The following SGCZ variants were observed in gnomAD, a reference collection of about 807,000 sequenced individuals.
The protein encoded by SGCZ is zeta-sarcoglycan.
A neutral mutation model predicts 41.3 loss-of-function variants in SGCZ; 40 were observed. The ratio of observed to expected loss-of-function variants is 0.97; its 90% confidence interval spans 0.75 to 1.26. The LOEUF is 1.26. Among genes scored for constraint, SGCZ ranks in the 50% most tolerant of loss-of-function variants. The pLI is 0.00. For synonymous variants in SGCZ, 206 were observed against 137.5 expected, an observed-to-expected ratio of 1.50 and a Z score of -3.49; for missense variants, 552 against 369.8, an observed-to-expected ratio of 1.49 and a Z score of -4.04.
intron 1 of SGCZ, among the ~76,000 whole-genome samples, chr8:14,718,361 A>G (rs1048909799): frequency 6.6e-6 from 1 of 152,102 alleles, no homozygotes; most frequent in African/African-American, 2.4e-5. Context: ...AAAAGTAGAC[A>G]GAAAGCAAAA....
chr8:14,649,385 G>T (rs1807324912), intron 1 of SGCZ, among the ~76,000 whole-genome samples: 1 of 152,060 alleles, frequency 6.6e-6, no homozygotes, highest in Non-Finnish European at 1.5e-5. Flanking sequence ...TAATATGAAG[G>T]GACAACCCAT....
At chr8:14,641,175 A>G (rs1486468901) in intron 1 of SGCZ, among the ~76,000 whole-genome samples, 1 of 151,668 alleles carries the variant, frequency 6.6e-6, no homozygotes, top group Non-Finnish European at 1.5e-5. Context: ...AATTGCTTCT[A>G]CTGCTGTAAC....
intron 1 of SGCZ, among the ~76,000 whole-genome samples, chr8:15,005,383 G>C (rs1330067954): frequency 1.4e-5 from 2 of 142,010 alleles, no homozygotes; most frequent in Non-Finnish European, 3.0e-5. Flanking sequence ...CCAGGCTGGA[G>C]TGCAGTGGCG....
At chr8:14,769,257 G>A (rs2255802) in intron 1 of SGCZ, among the ~76,000 whole-genome samples, 107,738 of 152,034 alleles carry the variant, frequency 0.71, 39,296 homozygotes, top group African/African-American at 0.89. Context: ...GAATGTTCCT[G>A]TGTATATTTT....
chr8:14,352,231 C>G (rs1803125670), intron 2 of SGCZ, among the ~76,000 whole-genome samples: 1 of 151,818 alleles, frequency 6.6e-6, no homozygotes, highest in African/African-American at 2.4e-5. Context: ...CAGGCTGAAG[C>G]TAATTGTTAG....
At chr8:15,202,930 G>C (rs1032214180) in intron 1 of SGCZ, among the ~76,000 whole-genome samples, 1 of 152,010 alleles carries the variant, frequency 6.6e-6, no homozygotes, top group Non-Finnish European at 1.5e-5. Context: ...GGCCAACATG[G>C]TGAAACCCTG....
intron 1 of SGCZ, among the ~76,000 whole-genome samples, chr8:14,885,184 C>T (rs115078612): frequency 0.019 from 2,962 of 152,238 alleles, 24 homozygotes; most frequent in Admixed American, 0.02. Flanking sequence ...TTTAATATGT[C>T]CATGTGCCTG....
At chr8:14,405,178 G>A (rs1483698381) in intron 2 of SGCZ, among the ~76,000 whole-genome samples, 1 of 152,162 alleles carries the variant, frequency 6.6e-6, no homozygotes, top group Non-Finnish European at 1.5e-5. Context: ...TTACTCCTCT[G>A]TAATGAGTTC....
intron 1 of SGCZ, among the ~76,000 whole-genome samples, chr8:15,094,679 C>T (rs2131068972): frequency 6.6e-6 from 1 of 152,242 alleles, no homozygotes; most frequent in Non-Finnish European, 1.5e-5. Flanking sequence ...CCACCTTGAA[C>T]TGAAATAATC....
intron 2 of SGCZ, among the ~76,000 whole-genome samples, chr8:14,524,020 C>A (rs1802866527): frequency 6.6e-6 from 1 of 152,126 alleles, no homozygotes; most frequent in African/African-American, 2.4e-5. Context: ...TGAAAACATT[C>A]ATTGAGTTTA....
At chr8:15,218,997 T>A (rs1229937893) in intron 1 of SGCZ, among the ~76,000 whole-genome samples, 1 of 152,192 alleles carries the variant, frequency 6.6e-6, no homozygotes, top group Non-Finnish European at 1.5e-5. Context: ...CAAAGATCGT[T>A]AGATTACATT....
chr8:14,363,809 C>A (rs1252020548), intron 2 of SGCZ, among the ~76,000 whole-genome samples: 2 of 152,204 alleles, frequency 1.3e-5, no homozygotes, highest in Non-Finnish European at 2.9e-5. Context: ...TTATCTAACA[C>A]TCTCATTTCA....
intron 1 of SGCZ, among the ~76,000 whole-genome samples, chr8:15,003,769 G>A (rs1366008237): frequency 6.6e-6 from 1 of 151,914 alleles, no homozygotes. Context: ...CTAATTTTTT[G>A]GCAAGAATGT....
chr8:14,487,551 T>C (rs1158880394), intron 2 of SGCZ, among the ~76,000 whole-genome samples: 1 of 143,654 alleles, frequency 7.0e-6, no homozygotes, highest in Non-Finnish European at 1.5e-5. Context: ...TTCAAACCAT[T>C]GTTCTTCTGT....
intron 1 of SGCZ, among the ~76,000 whole-genome samples, chr8:14,918,375 C>G (rs893180080): frequency 3.3e-5 from 5 of 151,520 alleles, no homozygotes; most frequent in Non-Finnish European, 7.4e-5. Context: ...GGATTAAACA[C>G]AACTTTCTGG....
intron 3 of SGCZ, among the ~76,000 whole-genome samples, chr8:14,256,673 T>C (rs1324597218): frequency 6.6e-6 from 1 of 152,190 alleles, no homozygotes; most frequent in Non-Finnish European, 1.5e-5. Flanking sequence ...ATTTCTAAAA[T>C]GCTCCATCCA....
chr8:15,194,709 C>A (rs1465478211), intron 1 of SGCZ, among the ~76,000 whole-genome samples: 1 of 152,032 alleles, frequency 6.6e-6, no homozygotes, highest in African/African-American at 2.4e-5. Context: ...TGGAGGAGGA[C>A]CATAAGCCAG....
intron 1 of SGCZ, among the ~76,000 whole-genome samples, chr8:14,970,412 GT>G (rs1160841493): frequency 1.3e-5 from 2 of 152,034 alleles, no homozygotes; most frequent in East Asian, 1.9e-4. Context: ...AGGCACAGAA[GT>G]TTTTTTCCTT....
chr8:15,169,920 T>C (rs1331081841), intron 1 of SGCZ, among the ~76,000 whole-genome samples: 3 of 152,194 alleles, frequency 2.0e-5, no homozygotes, highest in Non-Finnish European at 4.4e-5. Flanking sequence ...GGCATTAACC[T>C]AGAAAAGAGT....
Sources: allele counts gnomAD v4.1 joint callset (sites outside exome capture counted in the v4.1 genomes callset), GRCh38; gene constraint gnomAD v4.1.1; transcripts MANE v1.5; gene names NCBI Gene and HGNC (gene_info 2026-07-23, HGNC 2026-07-21).